TEAD1: variants seen among roughly 807,000 people sequenced by gnomAD.
TEAD1 encodes transcriptional enhancer factor TEF-1.
A neutral mutation model predicts 54.9 loss-of-function variants in TEAD1; 9 were observed. That is an observed-to-expected ratio of 0.16 (90% CI 0.10 to 0.29). The LOEUF is 0.29. Among genes scored for constraint, TEAD1 ranks in the 10% least tolerant of loss-of-function variants. The pLI, the probability that TEAD1 is intolerant of heterozygous loss-of-function variation, is 1.00. For synonymous variants in TEAD1, 200 were observed against 187.8 expected (o/e 1.07, Z -0.53); for missense variants, 387 against 535.9 (o/e 0.72, Z 2.74).
At chr11:12,732,847 GCTT>G (rs1467767311) in intron 2 of TEAD1, among the ~76,000 whole-genome samples, 10 of 152,182 alleles carry the variant, frequency 6.6e-5, no homozygotes, top group Non-Finnish European at 1.3e-4. Context: ...GGTCTTATCT[GCTT>G]CTTTTCTGCG....
intron 3 of TEAD1, among the ~76,000 whole-genome samples, chr11:12,824,854 C>A (rs376126055): frequency 2.0e-5 from 3 of 152,196 alleles, no homozygotes; most frequent in African/African-American, 7.2e-5. Flanking sequence ...CAGTCTCTCC[C>A]GGACTGTTGC....
intron 10 of TEAD1, among the ~76,000 whole-genome samples, chr11:12,902,825 G>T (rs11022541): frequency 0.068 from 10,356 of 151,976 alleles, 910 homozygotes; most frequent in East Asian, 0.44. Context: ...TCCAGTCTAT[G>T]CTCTGCCTTC....
At chr11:12,842,488 TC>T (rs1462790671) in intron 3 of TEAD1, among the ~76,000 whole-genome samples, 1 of 152,182 alleles carries the variant, frequency 6.6e-6, no homozygotes, top group Non-Finnish European at 1.5e-5. Flanking sequence ...TTGGTGAACT[TC>T]CGGAGATACT....
At chr11:12,803,892 T>A (rs918800774) in intron 3 of TEAD1, among the ~76,000 whole-genome samples, 1 of 152,212 alleles carries the variant, frequency 6.6e-6, no homozygotes, top group African/African-American at 2.4e-5. Flanking sequence ...ACGCCAACAC[T>A]TGTCCTGAAG....
At chr11:12,755,800 T>G (rs1332491418) in intron 2 of TEAD1, among the ~76,000 whole-genome samples, 1 of 152,162 alleles carries the variant, frequency 6.6e-6, no homozygotes, top group African/African-American at 2.4e-5. Context: ...TCAGATAGGA[T>G]AGATTGCCTG....
At chr11:12,733,787 C>A (rs1031343834) in intron 2 of TEAD1, among the ~76,000 whole-genome samples, 2 of 152,208 alleles carry the variant, frequency 1.3e-5, no homozygotes, top group Admixed American at 6.5e-5. Flanking sequence ...CAATGATAAT[C>A]ATATGTACAA....
chr11:12,887,090 TTTG>T (rs1205514740), intron 9 of TEAD1, among the ~76,000 whole-genome samples: 1,249 of 16,702 alleles, frequency 0.075, 26 homozygotes, highest in African/African-American at 0.18. Context: ...TGTTTTTTTT[TTTG>T]TTTGTTTTTT....
chr11:12,762,659 A>G (rs960817752), intron 2 of TEAD1, among the ~76,000 whole-genome samples: 28 of 152,122 alleles, frequency 1.8e-4, no homozygotes, highest in Non-Finnish European at 7.4e-5. Flanking sequence ...TGCCAAGTCT[A>G]CAAAGCTGGA....
At position 12,872,767 on chromosome 11, in the gene TEAD1, C is replaced by T. The variant is rs78548307; in HGVS notation, c.331-6941C>T. Among the ~76,000 whole-genome samples, 1,096 of 152,166 alleles carry T rather than the reference C, an allele frequency of 7.2e-3. 12 individuals carry two copies. Among genetic ancestry groups the T allele is most frequent in the African/African-American group, 0.025 (1,051 of 41,486 alleles). On this transcript the variant is annotated intron_variant, in intron 5 of 12. Coordinates refer to ENST00000527636, the MANE Select transcript of TEAD1 (RefSeq NM_021961.6). ...ATAATGCCCTAGAATGACATCTATC[C>T]AAAAGGTTATCTAGTGAGGACAAGG...
At chr11:12,753,751 A>G (rs1944926797) in intron 2 of TEAD1, among the ~76,000 whole-genome samples, 1 of 152,140 alleles carries the variant, frequency 6.6e-6, no homozygotes, top group Non-Finnish European at 1.5e-5. Flanking sequence ...GATTTGGTCC[A>G]GTTTATCATG....
chr11:12,793,994 C>T (rs1208152195), intron 3 of TEAD1, among the ~76,000 whole-genome samples: 1 of 152,336 alleles, frequency 6.6e-6, no homozygotes, highest in Middle Eastern at 3.4e-3. Flanking sequence ...CTATTTCATT[C>T]TTACAGCTCT....
chr11:12,845,779 G>A (rs1488022390), intron 3 of TEAD1, among the ~76,000 whole-genome samples: 1 of 152,258 alleles, frequency 6.6e-6, no homozygotes, highest in Non-Finnish European at 1.5e-5. Flanking sequence ...TTGTGGAGTA[G>A]GTTGGTGTTT....
At chr11:12,802,837 G>C (rs1946089525) in intron 3 of TEAD1, among the ~76,000 whole-genome samples, 1 of 152,150 alleles carries the variant, frequency 6.6e-6, no homozygotes, top group Non-Finnish European at 1.5e-5. Flanking sequence ...CAGTTAATTA[G>C]CAACTGTCTC....
In TEAD1 at chr11:12,731,299, TAGAGAAGCAAAATAC is replaced by T. The variant is rs1379689843; in HGVS notation, c.-54-32867_-54-32853del. ...TCCAATGTGAAACAATGAGAAAATG[TAGAGAAGCAAAATAC>T]AGAGAAGCAAAAACTAAAATTTAGA... On this transcript the variant is annotated intron_variant, in intron 2 of 12. Coordinates refer to ENST00000527636, the MANE Select transcript of TEAD1 (RefSeq NM_021961.6). 1.6e-4 allele frequency among the ~76,000 whole-genome samples: 24 copies of T among 152,322 alleles called. No homozygotes were observed. In the South Asian group the frequency reaches 2.7e-3, roughly 17 times the overall value.
At chr11:12,819,642 G>T (rs1400688774) in intron 3 of TEAD1, among the ~76,000 whole-genome samples, 1 of 151,502 alleles carries the variant, frequency 6.6e-6, no homozygotes, top group Non-Finnish European at 1.5e-5. Flanking sequence ...TAGTAGAGAC[G>T]GGGTTTCACC....
intron 9 of TEAD1, among the ~76,000 whole-genome samples, chr11:12,890,774 A>G (rs1459275307): frequency 8.5e-5 from 13 of 152,152 alleles, no homozygotes; most frequent in Non-Finnish European, 1.5e-5. Context: ...ATATTTTTCA[A>G]TTACTTTTGA....
chr11:12,795,832 C>T (rs745865611), intron 3 of TEAD1, among the ~76,000 whole-genome samples: 1 of 152,176 alleles, frequency 6.6e-6, no homozygotes, highest in Non-Finnish European at 1.5e-5. Context: ...TATTAGATTG[C>T]TTGAGAACAG....
intron 4 of TEAD1, among the ~76,000 whole-genome samples, chr11:12,863,223 G>C (rs570499883): frequency 7.2e-5 from 11 of 152,202 alleles, no homozygotes; most frequent in Non-Finnish European, 1.3e-4. Context: ...GTTTTCATGA[G>C]TGTTTATAAC....
At chr11:12,795,506 A>G (rs1486666622) in intron 3 of TEAD1, among the ~76,000 whole-genome samples, 2 of 152,204 alleles carry the variant, frequency 1.3e-5, no homozygotes, top group Non-Finnish European at 2.9e-5. Flanking sequence ...ACAATTAGGC[A>G]GTGTTGGGAC....
Sources: allele counts gnomAD v4.1 joint callset (sites outside exome capture counted in the v4.1 genomes callset), GRCh38; gene constraint gnomAD v4.1.1; transcripts MANE v1.5; gene names NCBI Gene and HGNC (gene_info 2026-07-23, HGNC 2026-07-21).